EYA1: variants seen among roughly 807,000 people sequenced by gnomAD.
EYA1 encodes the protein protein phosphatase EYA1.
In EYA1, 16 loss-of-function variants were observed where a neutral mutation model predicts 82.0. The observed-to-expected ratio is 0.20, with a 90% CI of 0.13 to 0.30. EYA1 has a LOEUF of 0.30. Among genes scored for constraint, EYA1 ranks in the 10% least tolerant of loss-of-function variants. The probability of loss-of-function intolerance (pLI) is 1.00; values close to 1 mark genes in which losing one functional copy is unlikely to be tolerated. For missense variants in EYA1, 633 were observed against 730.7 expected (o/e 0.87, Z 1.54); for synonymous variants, 261 against 264.4 (o/e 0.99, Z 0.12).
In EYA1 at chr8:71,199,067, C is replaced by T. The variant is rs1240676614; in HGVS notation, c.*273G>A. ...AGGTCCTTTCTTCACAGGTTTGAAC[C>T]GTGTAGTTAATGTGGCAGACACATA... On this transcript the variant is annotated 3_prime_UTR_variant, in exon 18 of 18. Coordinates refer to ENST00000340726, the MANE Select transcript of EYA1 (RefSeq NM_000503.6). The T allele has an allele frequency of 5.9e-6, 3 of 504,962 alleles. No individual in the cohort carries two copies. Among genetic ancestry groups the T allele is most frequent in the African/African-American group, 3.9e-5 (2 of 51,812 alleles). The allele number at this position is 504,962 out of a possible 1,614,324, so 31.3% of individuals were successfully genotyped here. A position where few individuals can be genotyped will look rare whatever the true frequency, so the allele number is the denominator to read the frequency against.
chr8:71,299,323 T>C lies in EYA1; in HGVS notation c.640-90A>G, dbSNP rs905920573. 3 of 1,359,650 alleles carry C rather than the reference T, an allele frequency of 2.2e-6. No homozygotes were observed. In the African/African-American group the frequency reaches 4.3e-5, roughly 19 times the overall value. The allele number at this position is 1,359,650 out of a possible 1,614,324, so 84.2% of individuals were successfully genotyped here. On this transcript the variant is annotated intron_variant, in intron 8 of 17. Coordinates refer to ENST00000340726, the MANE Select transcript of EYA1 (RefSeq NM_000503.6). ...AGTGTAACTGTAAGTATGTTTGGGT[T>C]TCTGAGCCTTTTCTGAATTCACACG...
At chr8:71,521,153 C>A (rs1779879222) in intron 2 of EYA1, among the ~76,000 whole-genome samples, 1 of 151,564 alleles carries the variant, frequency 6.6e-6, no homozygotes, top group South Asian at 2.1e-4. Context: ...CACAGTATGA[C>A]CAATAATAGA....
At chr8:71,267,138 T>C (rs1815934740) in intron 11 of EYA1, among the ~76,000 whole-genome samples, 3 of 152,158 alleles carry the variant, frequency 2.0e-5, no homozygotes, top group Admixed American at 1.3e-4. Flanking sequence ...TCCATTGTGG[T>C]CCCCCGATGA....
intron 2 of EYA1, among the ~76,000 whole-genome samples, chr8:71,412,441 G>T (rs1218670583): frequency 2.0e-5 from 3 of 151,410 alleles, no homozygotes; most frequent in Admixed American, 6.6e-5. Flanking sequence ...AAAAGAAATT[G>T]TTGTTCATTT....
At chr8:71,508,366 C>A (rs899665522) in intron 2 of EYA1, among the ~76,000 whole-genome samples, 2 of 152,100 alleles carry the variant, frequency 1.3e-5, no homozygotes, top group Admixed American at 6.5e-5. Flanking sequence ...CTCTGCCTCC[C>A]AGGTTCAAGA....
chr8:71,386,765 T>A (rs949156521), intron 2 of EYA1, among the ~76,000 whole-genome samples: 5 of 152,222 alleles, frequency 3.3e-5, no homozygotes, highest in Admixed American at 6.5e-5. Context: ...AAGAAATTGC[T>A]TGCTCATGCC....
intron 2 of EYA1, among the ~76,000 whole-genome samples, chr8:71,377,909 T>A (rs1485221674): frequency 6.6e-6 from 1 of 152,210 alleles, no homozygotes; most frequent in African/African-American, 2.4e-5. Context: ...TGAAATGTTC[T>A]CCCTGTAAGG....
chr8:71,230,283 C>T (rs900767041), intron 12 of EYA1, among the ~76,000 whole-genome samples: 1 of 152,138 alleles, frequency 6.6e-6, no homozygotes, highest in Admixed American at 6.5e-5. Context: ...GACTCTCTCC[C>T]AGATTGAAGA....
intron 2 of EYA1, among the ~76,000 whole-genome samples, chr8:71,435,090 T>C (rs956222181): frequency 3.9e-5 from 6 of 152,170 alleles, no homozygotes; most frequent in Non-Finnish European, 5.9e-5. Flanking sequence ...TCCAGATTTA[T>C]GCTTTCTATC....
At chr8:71,217,889 T>C (rs1459944576) in intron 12 of EYA1, among the ~76,000 whole-genome samples, 1 of 152,224 alleles carries the variant, frequency 6.6e-6, no homozygotes, top group African/African-American at 2.4e-5. Flanking sequence ...TGTTTGCAGA[T>C]ATATCGGAGC....
intron 11 of EYA1, among the ~76,000 whole-genome samples, chr8:71,250,958 C>A (rs986970434): frequency 6.6e-6 from 1 of 152,062 alleles, no homozygotes; most frequent in African/African-American, 2.4e-5. Context: ...ATGATCTAGC[C>A]TAGGGAAAAA....
chr8:71,358,716 T>C (rs76981761), intron 1 of EYA1, among the ~76,000 whole-genome samples: 3,387 of 152,302 alleles, frequency 0.022, 54 homozygotes, highest in South Asian at 0.067. Flanking sequence ...CATAGTCTTA[T>C]AATGACTTAT....
At chr8:71,404,267 A>C (rs1830100380) in intron 2 of EYA1, 1 of 152,252 alleles carries the variant, frequency 6.6e-6, no homozygotes, top group African/African-American at 2.4e-5. Context: ...AAGCCCCAGC[A>C]AGAGGGAGAG....
At chr8:71,324,326 G>C (rs542116119) in intron 4 of EYA1, among the ~76,000 whole-genome samples, 1 of 152,190 alleles carries the variant, frequency 6.6e-6, no homozygotes, top group Non-Finnish European at 1.5e-5. Flanking sequence ...GGAGGCTGCA[G>C]AACGTGGGAA....
chr8:71,419,357 A>G (rs555947792), intron 2 of EYA1, among the ~76,000 whole-genome samples: 2 of 152,306 alleles, frequency 1.3e-5, no homozygotes, highest in South Asian at 4.1e-4. Flanking sequence ...CACAAAGCAT[A>G]CCAGAAGAAT....
chr8:71,367,973 T>A (rs890356986), intron 2 of EYA1, among the ~76,000 whole-genome samples: 5 of 152,220 alleles, frequency 3.3e-5, no homozygotes, highest in Admixed American at 2.6e-4. Flanking sequence ...TTAAGAGGAA[T>A]GCTTGTTTTA....
intron 1 of EYA1, among the ~76,000 whole-genome samples, chr8:71,546,154 C>A (rs1815551223): frequency 6.6e-6 from 1 of 152,148 alleles, no homozygotes; most frequent in African/African-American, 2.4e-5. Context: ...AGAGTCCTAC[C>A]TGGTCTCCAA....
At chr8:71,426,202 A>AT (rs1339411503) in intron 2 of EYA1, among the ~76,000 whole-genome samples, 2 of 152,154 alleles carry the variant, frequency 1.3e-5, no homozygotes, top group African/African-American at 4.8e-5. Context: ...TAATAACATG[A>AT]TTTTTTAACT....
intron 2 of EYA1, among the ~76,000 whole-genome samples, chr8:71,415,918 C>T (rs547979374): frequency 5.3e-5 from 8 of 152,266 alleles, no homozygotes; most frequent in African/African-American, 1.7e-4. Context: ...GATATTACAA[C>T]GTGGGGATAA....
Sources: gnomAD v4.1 joint callset for allele counts (sites outside exome capture counted in the v4.1 genomes callset) on GRCh38, gnomAD v4.1.1 for gene constraint, MANE v1.5 for transcripts, NCBI Gene and HGNC (gene_info 2026-07-23, HGNC 2026-07-21) for gene names.